RNF182: variants seen among roughly 807,000 people sequenced by gnomAD.
The protein encoded by RNF182 is ring finger protein 182.
In RNF182, 15 loss-of-function variants were observed where a neutral mutation model predicts 14.4. The observed-to-expected ratio is 1.04, with a 90% CI of 0.70 to 1.60. RNF182 has a LOEUF of 1.60. Ranked by LOEUF, RNF182 falls within the 40% of genes most tolerant of loss-of-function variation. RNF182 has a pLI of 0.00. For missense variants in RNF182, 268 were observed against 294.8 expected, an observed-to-expected ratio of 0.91 and a Z score of 0.67; for synonymous variants, 128 against 122.9, an observed-to-expected ratio of 1.04 and a Z score of -0.27.
At chr6:13,958,335 G>T (rs554153125) in intron 1 of RNF182, among the ~76,000 whole-genome samples, 1 of 151,970 alleles carries the variant, frequency 6.6e-6, no homozygotes, top group Admixed American at 6.6e-5. Flanking sequence ...GCAGTGAGCC[G>T]AGATTGCACC....
At chr6:13,934,617 C>A (rs1172545224) in intron 1 of RNF182, among the ~76,000 whole-genome samples, 1 of 152,084 alleles carries the variant, frequency 6.6e-6, no homozygotes, top group Non-Finnish European at 1.5e-5. Flanking sequence ...AGGTAGTTTG[C>A]CATTTAGATA....
intron 1 of RNF182, among the ~76,000 whole-genome samples, chr6:13,943,738 A>G (rs754600546): frequency 5.3e-5 from 8 of 152,208 alleles, no homozygotes; most frequent in Non-Finnish European, 7.4e-5. Context: ...TTTAAAAATG[A>G]TAAGACATAT....
Position 13,949,030 on chromosome 6 carries a change from T to G in RNF182, c.-367+24007T>G, listed in dbSNP as rs548203184. 6.9e-6 allele frequency: 4 copies of G among 580,054 alleles called. No homozygotes were observed. The East Asian group carries it at 8.6e-5, about 13-fold the overall frequency. The allele number at this position is 580,054 out of a possible 1,614,324, so 35.9% of individuals were successfully genotyped here. On this transcript the variant is annotated intron_variant, in intron 1 of 2. Transcript: ENST00000488300. The stretch of plus-strand genomic sequence containing the variant: ...ACAAAATCTACTCACTCCTAATCAG[T>G]TTGACCATAAAGTAAGATTTTCACA...
intron 2 of RNF182, among the ~76,000 whole-genome samples, chr6:13,976,197 T>C (rs1022761491): frequency 2.0e-5 from 3 of 152,210 alleles, no homozygotes; most frequent in Admixed American, 6.5e-5. Flanking sequence ...TTCTCTTTCT[T>C]GGGACTTAGA....
chr6:13,971,686 C>T (rs1004826204), intron 1 of RNF182, among the ~76,000 whole-genome samples: 3 of 152,146 alleles, frequency 2.0e-5, no homozygotes, highest in African/African-American at 7.2e-5. Context: ...TTCCTAGAGA[C>T]TTTGAATGCC....
intron 1 of RNF182, among the ~76,000 whole-genome samples, chr6:13,961,900 T>C (rs1402519152): frequency 6.6e-6 from 1 of 152,222 alleles, no homozygotes; most frequent in Non-Finnish European, 1.5e-5. Flanking sequence ...CTGATGGTCC[T>C]TCAAGAATGA....
At chr6:13,958,526 G>A (rs1021842123) in intron 1 of RNF182, among the ~76,000 whole-genome samples, 1 of 152,192 alleles carries the variant, frequency 6.6e-6, no homozygotes, top group Non-Finnish European at 1.5e-5. Flanking sequence ...GATAGGAAGA[G>A]GTGGGAGGAG....
intron 1 of RNF182, among the ~76,000 whole-genome samples, chr6:13,961,235 G>A (rs1392999667): frequency 2.0e-5 from 3 of 152,146 alleles, no homozygotes; most frequent in Non-Finnish European, 2.9e-5. Context: ...TGTGTTCAAT[G>A]CATATTCTGT....
At chr6:13,966,771 C>G (rs1466710433) in intron 1 of RNF182, among the ~76,000 whole-genome samples, 1 of 137,392 alleles carries the variant, frequency 7.3e-6, no homozygotes, top group Non-Finnish European at 1.6e-5. Flanking sequence ...CCCACCCCCC[C>G]ACCCCCCCAC....
chr6:13,938,163 C>T (rs1352256324), intron 1 of RNF182, among the ~76,000 whole-genome samples: 1 of 144,442 alleles, frequency 6.9e-6, no homozygotes, highest in Admixed American at 7.1e-5. Context: ...CCATGCCTGG[C>T]TAATTTTTTG....
chr6:13,939,701 G>A (rs185648599), intron 1 of RNF182, among the ~76,000 whole-genome samples: 308 of 152,008 alleles, frequency 2.0e-3, no homozygotes, highest in African/African-American at 7.1e-3. Flanking sequence ...CTGCCACCAC[G>A]CCTGGCTAAT....
intron 1 of RNF182, among the ~76,000 whole-genome samples, chr6:13,956,487 G>A (rs1759735539): frequency 6.6e-6 from 1 of 151,962 alleles, no homozygotes; most frequent in African/African-American, 2.4e-5. Context: ...ACCACACCCA[G>A]CTAATTTTTG....
chr6:13,977,915 G>C lies in RNF182; in HGVS notation c.*52G>C. The C allele has an allele frequency of 6.7e-7, 1 of 1,485,906 alleles. No homozygotes were observed. The allele number at this position is 1,485,906 out of a possible 1,614,324, so 92.0% of individuals were successfully genotyped here. A position where few individuals can be genotyped will look rare whatever the true frequency, so the allele number is the denominator to read the frequency against. On this transcript the variant is annotated 3_prime_UTR_variant, in exon 3 of 3. Coordinates refer to ENST00000488300, the MANE Select transcript of RNF182 (RefSeq NM_152737.4). ...ACACATTGCCCTGTTTGAGTGTGAA[G>C]TTAGATAATTTATAATTTATTTTCT...
At chr6:13,953,855 A>G (rs992755168) in intron 1 of RNF182, among the ~76,000 whole-genome samples, 27 of 152,162 alleles carry the variant, frequency 1.8e-4, no homozygotes, top group Admixed American at 1.0e-3. Context: ...GGCCATCGCC[A>G]GCACCTAGCC....
chr6:13,950,498 C>CTTTT lies in RNF182; in HGVS notation c.-366-23696_-366-23693dup, dbSNP rs34765708. ...TTTTATTTTTCTGACAAAACAGGTA[C>CTTTT]TTTTTTTTTTTTTTTTTTTGACAGA... is the stretch of plus-strand genomic sequence containing the variant. On this transcript the variant is annotated intron_variant, in intron 1 of 2. Coordinates refer to ENST00000488300, the MANE Select transcript of RNF182 (RefSeq NM_152737.4). Among the ~76,000 whole-genome samples, 150 of 121,906 alleles carry CTTTT rather than the reference C, an allele frequency of 1.2e-3. 6 individuals are homozygous for CTTTT. Among genetic ancestry groups the CTTTT allele is most frequent in the Non-Finnish European group, 1.7e-3 (102 of 61,342 alleles). 80.0% of individuals were successfully genotyped at this position (121,906 alleles called of 152,430 possible).
chr6:13,975,646 C>T (rs1020925915), intron 2 of RNF182, among the ~76,000 whole-genome samples: 20 of 152,126 alleles, frequency 1.3e-4, no homozygotes, highest in African/African-American at 4.8e-4. Flanking sequence ...GTCAACTATT[C>T]ATGATTTTTA....
chr6:13,976,889 A>T lies in RNF182; in HGVS notation c.-211-20A>T. The T allele has an allele frequency of 1.9e-6, 1 of 521,782 alleles. No homozygotes were observed. Among genetic ancestry groups the T allele is most frequent in the Non-Finnish European group, 3.4e-6 (1 of 296,332 alleles). The allele number at this position is 521,782 out of a possible 1,614,324, so 32.3% of individuals were successfully genotyped here. On this transcript the variant is annotated intron_variant, in intron 2 of 2. Transcript: ENST00000488300. ...TCAGTGAACTGTTCATTATATTAGA[A>T]TCTCTTTTCTTCTTTACAGACCCTT...
chr6:13,938,158 C>G (rs1340522187), intron 1 of RNF182, among the ~76,000 whole-genome samples: 2 of 148,486 alleles, frequency 1.3e-5, no homozygotes, highest in Non-Finnish European at 3.0e-5. Flanking sequence ...CGCCACCATG[C>G]CTGGCTAATT....
rs188686680 is a variant in RNF182, at chr6:13,939,672, T to A, written c.-367+14649T>A. The stretch of plus-strand genomic sequence containing the variant: ...CATTCTCCTGCCTCAGCCTCCTGAG[T>A]AGCTGGGACTACAGGCGCCTGCCAC... On this transcript the variant is annotated intron_variant, in intron 1 of 2. Transcript: ENST00000488300. 2.5e-3 allele frequency among the ~76,000 whole-genome samples: 377 copies of A among 152,098 alleles called. 1 individual carries two copies. The highest frequency in any genetic ancestry group is 8.7e-3 in the African/African-American group (363 of 41,504).
Sources: gnomAD v4.1 joint callset for allele counts (sites outside exome capture counted in the v4.1 genomes callset) on GRCh38, gnomAD v4.1.1 for gene constraint, MANE v1.5 for transcripts, NCBI Gene and HGNC (gene_info 2026-07-23, HGNC 2026-07-21) for gene names.